PWWP2A: variants seen among roughly 807,000 people sequenced by gnomAD.
The protein encoded by PWWP2A is PWWP domain containing 2A.
In PWWP2A, 18 loss-of-function variants were observed where a neutral mutation model predicts 48.5. The observed-to-expected ratio is 0.37, with a 90% CI of 0.26 to 0.55. PWWP2A has a LOEUF of 0.55. Among genes scored for constraint, PWWP2A ranks in the 20% least tolerant of loss-of-function variants. The pLI is 0.81. For synonymous variants in PWWP2A, 396 were observed against 387.7 expected (o/e 1.02, Z -0.25); for missense variants, 867 against 976.4 (o/e 0.89, Z 1.49).
Position 160,066,296 on chromosome 5 carries a change from A to ATTT in PWWP2A, c.*236+249_*236+251dup, listed in dbSNP as rs59262456. 7.2e-4 allele frequency among the ~76,000 whole-genome samples: 68 copies of ATTT among 94,782 alleles called. 7 individuals carry two copies. Among genetic ancestry groups the ATTT allele is most frequent in the African/African-American group, 2.3e-3 (57 of 24,624 alleles). 62.2% of individuals were successfully genotyped at this position (94,782 alleles called of 152,430 possible). ...AGCATTATGCTAGAAAGTGGTTCTC[A>ATTT]TTTTTTTTTTTTTTTTTTTGAGGGG... On this transcript the variant is annotated intron_variant and NMD_transcript_variant, in intron 4 of 5. Transcript: ENST00000524050.
intron 1 of PWWP2A, among the ~76,000 whole-genome samples, chr5:160,101,544 T>C (rs1374473828): frequency 6.6e-6 from 1 of 152,184 alleles, no homozygotes; most frequent in East Asian, 1.9e-4. Context: ...GTTTAAAAAC[T>C]ATTGAATTTT....
At chr5:160,058,243 G>A (rs1040177921), downstream of PWWP2A, among the ~76,000 whole-genome samples, 4 of 152,026 alleles carry the variant, frequency 2.6e-5, no homozygotes, top group East Asian at 1.9e-4. Flanking sequence ...AGCGCCACTC[G>A]AATTCTAGTT....
At chr5:160,115,136 T>TAAAAAAAA (rs1561708134) in intron 1 of PWWP2A, among the ~76,000 whole-genome samples, 1 of 45,706 alleles carries the variant, frequency 2.2e-5, no homozygotes, top group African/African-American at 1.1e-4. Context: ...GGAGACTCTG[T>TAAAAAAAA]CAAAAAAAAA....
At chr5:160,112,032 T>G (rs1400304208) in intron 1 of PWWP2A, among the ~76,000 whole-genome samples, 1 of 137,366 alleles carries the variant, frequency 7.3e-6, no homozygotes, top group African/African-American at 2.8e-5. Flanking sequence ...GAGGCTGATG[T>G]GGGAGGATTG....
chr5:160,076,194 AT>A (rs1223583240), exon 4 of PWWP2A: 1 of 152,180 alleles, frequency 6.6e-6, no homozygotes, highest in Non-Finnish European at 1.5e-5. Context: ...GAAAAAAAAA[AT>A]ATTTATATAC....
At chr5:160,053,268 A>C in the PWWP2A span, among the ~76,000 whole-genome samples, 1 of 152,206 alleles carries the variant, frequency 6.6e-6, no homozygotes, top group African/African-American at 2.4e-5. Flanking sequence ...GATGGCTTCT[A>C]TGGAGAATAA....
exon 5 of PWWP2A, chr5:160,063,554 C>CT (rs1273222471): frequency 1.3e-5 from 2 of 152,104 alleles, no homozygotes; most frequent in East Asian, 3.9e-4. Context: ...GGGCTTTACT[C>CT]TAAGATGGGA....
In PWWP2A at chr5:160,092,391, A is replaced by G. The variant is rs765276452; in HGVS notation, c.2259T>C (p.Phe753=). The change falls in exon 2 of 2, where the codon TTT becomes TTC. Residue 753 remains phenylalanine (F), a synonymous_variant. Transcript: ENST00000307063. ...ACCTTACTGCCCATGTTCACGTTTC[A>G]AACTGTGTCAACAAAGCCCGCACTT... ...TPEVRALLTQ[F]ET 9.9e-5 allele frequency: 152 copies of G among 1,542,168 alleles called. No individual in the cohort carries two copies. In the Middle Eastern group the frequency reaches 1.7e-3, roughly 17 times the overall value.
intron 4 of PWWP2A, among the ~76,000 whole-genome samples, chr5:160,064,513 A>G (rs1106055): frequency 0.59 from 89,832 of 152,058 alleles, 26,569 homozygotes; most frequent in East Asian, 0.62. Context: ...TTCTAGAGAG[A>G]AGAGACTTGG....
chr5:160,075,842 CTA>C (rs1753860360), downstream of PWWP2A: 1 of 118,224 alleles, frequency 8.5e-6, no homozygotes. Context: ...TCTTTAAAAA[CTA>C]ACTCCTAAAA....
At chr5:160,063,984 T>TTTTTTTTG (rs1482966350) in intron 4 of PWWP2A, among the ~76,000 whole-genome samples, 1 of 149,650 alleles carries the variant, frequency 6.7e-6, no homozygotes, top group African/African-American at 2.5e-5. Flanking sequence ...TTTTTTTTTT[T>TTTTTTTTG]TTGAGACGGA....
downstream of PWWP2A, chr5:160,090,198 C>T: frequency 1.0e-6 from 1 of 984,984 alleles, no homozygotes; most frequent in Non-Finnish European, 1.2e-6. Flanking sequence ...TTCCCCATGG[C>T]TTCTGAAACA....
Position 160,093,257 on chromosome 5 carries a change from G to C in PWWP2A, c.1393C>G (p.Pro465Ala). ...KVHFTRRYQN[P>A]SSGSLPPRVR... ...CGGGGTGGAAGGGAACCTGAGCTAG[G>C]ATTCTGATATCGACGTGTGAAATGG... Residue 465 changes from proline to alanine, a missense_variant, in exon 2 of 2, where the codon CCT becomes GCT. Physicochemically the swap from Pro to Ala is conservative, Grantham distance 27. Coordinates refer to ENST00000307063, the MANE Select transcript of PWWP2A (RefSeq NM_001130864.2). This position sits in a 1 kb window ranked among gnomAD's most constrained non-coding sequence, Gnocchi z 5.8. 1 of 1,614,004 alleles carries C rather than the reference G, an allele frequency of 6.2e-7. No individual in the cohort carries two copies. Among genetic ancestry groups the C allele is most frequent in the Non-Finnish European group, 8.5e-7 (1 of 1,179,894 alleles).
downstream of PWWP2A, among the ~76,000 whole-genome samples, chr5:160,089,140 C>T (rs1474608310): frequency 2.6e-5 from 4 of 152,156 alleles, no homozygotes; most frequent in East Asian, 1.9e-4. Flanking sequence ...CACACCACCA[C>T]GTTATGCAAA....
intron 1 of PWWP2A, among the ~76,000 whole-genome samples, chr5:160,098,836 T>C (rs2546377): frequency 0.76 from 115,272 of 152,128 alleles, 43,717 homozygotes; most frequent in East Asian, 0.87. Flanking sequence ...GGTGTGGTGG[T>C]GCACGCCTGT....
At chr5:160,099,564 C>A (rs995900647) in intron 1 of PWWP2A, among the ~76,000 whole-genome samples, 2 of 152,060 alleles carry the variant, frequency 1.3e-5, no homozygotes, top group Admixed American at 1.3e-4. Context: ...TGGGCTCAAG[C>A]AATCGGCCTG....
downstream of PWWP2A, chr5:160,089,924 AATTT>A (rs1160179525): frequency 4.1e-6 from 4 of 985,156 alleles, no homozygotes; most frequent in African/African-American, 7.0e-5. Context: ...ATACTGGACA[AATTT>A]ATCTAAGACA....
At chr5:160,055,427 G>A in the PWWP2A span, among the ~76,000 whole-genome samples, 1 of 152,208 alleles carries the variant, frequency 6.6e-6, no homozygotes, top group South Asian at 2.1e-4. Flanking sequence ...CACTAGAGAT[G>A]GGTGTTTACA....
At chr5:160,071,657 G>A (rs557872349), downstream of PWWP2A, among the ~76,000 whole-genome samples, 6 of 152,252 alleles carry the variant, frequency 3.9e-5, no homozygotes, top group South Asian at 1.0e-3. Flanking sequence ...GCCCTCATCC[G>A]TTTCCTCTGC....
Sources: gnomAD v4.1 joint callset for allele counts (sites outside exome capture counted in the v4.1 genomes callset) on GRCh38, gnomAD v4.1.1 for gene constraint, Gnocchi (gnomAD v3.1) non-coding constraint, MANE v1.5 for transcripts, NCBI Gene and HGNC (gene_info 2026-07-23, HGNC 2026-07-21) for gene names.